PIWIL1: variants seen among roughly 807,000 people sequenced by gnomAD.
PIWIL1 encodes piwi-like protein 1.
In PIWIL1, 73 loss-of-function variants were observed where a neutral mutation model predicts 114.4. That is an observed-to-expected ratio of 0.64 (90% CI 0.53 to 0.78). The LOEUF (loss-of-function observed/expected upper bound fraction) is 0.78. Ranked by LOEUF, PIWIL1 falls within the 30% of genes least tolerant of loss-of-function variation. The probability of loss-of-function intolerance (pLI) is 0.00; values close to 1 mark genes in which losing one functional copy is unlikely to be tolerated. For missense variants in PIWIL1, 723 were observed against 1,063.1 expected, an observed-to-expected ratio of 0.68 and a Z score of 4.45; for synonymous variants, 375 against 369.0, an observed-to-expected ratio of 1.02 and a Z score of -0.19.
chr12:130,395,676 A>ATATT, the PIWIL1 span, among the ~76,000 whole-genome samples: 1 of 152,242 alleles, frequency 6.6e-6, no homozygotes, highest in Non-Finnish European at 1.5e-5. Context: ...TACTTGAACT[A>ATATT]TATTTTCATC....
chr12:130,397,202 C>T, the PIWIL1 span: 4 of 379,592 alleles, frequency 1.1e-5, no homozygotes, highest in Admixed American at 9.1e-5. Flanking sequence ...TCTTTGTTCT[C>T]GTGGTTGGTT....
At chr12:130,363,191 T>G in intron 18 of PIWIL1, 47 bp downstream of exon 18, 1 of 1,549,184 alleles carries the variant, frequency 6.5e-7, no homozygotes, top group Non-Finnish European at 8.9e-7. Context: ...AAACTGCACC[T>G]TTGTATCTTT....
At chr12:130,424,061 C>G in the PIWIL1 span, 1 of 759,792 alleles carries the variant, frequency 1.3e-6, no homozygotes, top group Non-Finnish European at 1.8e-6. The surrounding 1 kb of genome is among the most constrained non-coding windows in gnomAD (Gnocchi z 9.8). Context: ...GGATGGACAC[C>G]AGAACAAACA....
chr12:130,368,687 C>T (rs2073737023), intron 19 of PIWIL1, among the ~76,000 whole-genome samples: 2 of 152,122 alleles, frequency 1.3e-5, no homozygotes, highest in African/African-American at 4.8e-5. Context: ...AAAACGACCC[C>T]CGATGCTTTC....
intron 19 of PIWIL1, among the ~76,000 whole-genome samples, chr12:130,368,681 C>T (rs540846016): frequency 1.7e-4 from 26 of 152,262 alleles, no homozygotes; most frequent in African/African-American, 3.6e-4. Context: ...GTATTCAAAA[C>T]GACCCCCGAT....
downstream of PIWIL1, among the ~76,000 whole-genome samples, chr12:130,376,496 G>A (rs1211289416): frequency 6.6e-6 from 1 of 152,164 alleles, no homozygotes; most frequent in Middle Eastern, 3.2e-3. Context: ...GACCGCATTT[G>A]ACAACCTCTG....
At chr12:130,395,166 C>A in the PIWIL1 span, among the ~76,000 whole-genome samples, 3 of 152,170 alleles carry the variant, frequency 2.0e-5, no homozygotes, top group Non-Finnish European at 2.9e-5. Flanking sequence ...GTACTCTGTA[C>A]AGTTTGGGCT....
chr12:130,338,802 C>T (rs1001892754), intron 1 of PIWIL1, among the ~76,000 whole-genome samples: 1 of 72,658 alleles, frequency 1.4e-5, no homozygotes, highest in Non-Finnish European at 2.6e-5. Flanking sequence ...GTGGGGGGTG[C>T]GGGGCCGGGG....
intron 1 of PIWIL1, among the ~76,000 whole-genome samples, chr12:130,341,880 T>G (rs1473601587): frequency 1.3e-5 from 2 of 152,184 alleles, no homozygotes; most frequent in African/African-American, 4.8e-5. Context: ...ATCATGATGT[T>G]GAAGAAATGG....
At chr12:130,417,030 A>AT in the PIWIL1 span, among the ~76,000 whole-genome samples, 1 of 152,206 alleles carries the variant, frequency 6.6e-6, no homozygotes, top group African/African-American at 2.4e-5. Flanking sequence ...CCAAGACAAA[A>AT]TCACAATGAG....
At chr12:130,405,544 C>T in the PIWIL1 span, among the ~76,000 whole-genome samples, 4 of 152,118 alleles carry the variant, frequency 2.6e-5, no homozygotes, top group African/African-American at 4.8e-5. Flanking sequence ...GCCCCAGCTG[C>T]GGAAACTCTG....
In PIWIL1 at chr12:130,342,650, A is replaced by G; in HGVS notation, c.59A>G (p.Gln20Arg). ...AGGGCCCGCGGTCAGGAGACAGCGCAGCTGGTGGGCTCCACTGCCGTGAGT... is the reference window on the plus strand; with the variant it reads ...AGGGCCCGCGGTCAGGAGACAGCGCGGCTGGTGGGCTCCACTGCCGTGAGT... ...RGRARGQETA[Q>R]LVGSTASQQP... The change falls in exon 2 of 21, where the codon CAG becomes CGG. Residue 20 changes from glutamine to arginine, a missense_variant. Transcript: ENST00000245255. The G allele has an allele frequency of 1.2e-6, 2 of 1,613,508 alleles. No individual in the cohort carries two copies. Among genetic ancestry groups the G allele is most frequent in the Non-Finnish European group, 1.7e-6 (2 of 1,179,504 alleles).
chr12:130,347,596 A>G (rs1453500080), intron 6 of PIWIL1, among the ~76,000 whole-genome samples: 2 of 152,240 alleles, frequency 1.3e-5, no homozygotes, highest in Non-Finnish European at 2.9e-5. Context: ...TCCCTCTTTA[A>G]GTTAGTCATA....
intron 9 of PIWIL1, among the ~76,000 whole-genome samples, chr12:130,350,225 C>G (rs1382363996): frequency 6.6e-6 from 1 of 152,160 alleles, no homozygotes; most frequent in East Asian, 1.9e-4. Context: ...GAATTGAAGC[C>G]TATGGAGGAC....
the PIWIL1 span, among the ~76,000 whole-genome samples, chr12:130,420,105 A>G: frequency 6.6e-6 from 1 of 152,248 alleles, no homozygotes; most frequent in Admixed American, 6.5e-5. The surrounding 1 kb of genome is among the most constrained non-coding windows in gnomAD (Gnocchi z 4.3). Flanking sequence ...AAATAGAAGT[A>G]AATGACAACT....
At chr12:130,382,997 T>C in the PIWIL1 span, among the ~76,000 whole-genome samples, 1 of 152,240 alleles carries the variant, frequency 6.6e-6, no homozygotes, top group Non-Finnish European at 1.5e-5. Flanking sequence ...TCAACTTAGG[T>C]GTAAACAAAA....
At chr12:130,401,939 T>C in the PIWIL1 span, among the ~76,000 whole-genome samples, 1 of 152,038 alleles carries the variant, frequency 6.6e-6, no homozygotes, top group Non-Finnish European at 1.5e-5. Flanking sequence ...ACAAGAGGCG[T>C]GTGTACCCCA....
the PIWIL1 span, among the ~76,000 whole-genome samples, chr12:130,423,448 A>G: frequency 6.6e-6 from 1 of 152,226 alleles, no homozygotes; most frequent in Non-Finnish European, 1.5e-5. Context: ...TTTTCAATGA[A>G]AAGGTCAGCA....
the PIWIL1 span, chr12:130,414,037 A>G: frequency 1.3e-5 from 18 of 1,389,086 alleles, no homozygotes; most frequent in Admixed American, 3.0e-4. Context: ...GCCATCTCTA[A>G]GTCGATACCC....
Sources: allele counts gnomAD v4.1 joint callset (sites outside exome capture counted in the v4.1 genomes callset), GRCh38; gene constraint gnomAD v4.1.1; non-coding constraint Gnocchi (gnomAD v3.1); transcripts MANE v1.5; gene names NCBI Gene and HGNC (gene_info 2026-07-23, HGNC 2026-07-21).